ZNF385D: variants seen among roughly 807,000 people sequenced by gnomAD.
ZNF385D encodes the protein zinc finger protein 385D.
A neutral mutation model predicts 35.8 loss-of-function variants in ZNF385D; 15 were observed. That is an observed-to-expected ratio of 0.42 (90% confidence interval 0.28 to 0.64). The LOEUF (loss-of-function observed/expected upper bound fraction) is 0.64, where lower values mean the gene tolerates loss of function less well. ZNF385D is among the 30% of genes least tolerant of loss of function. The pLI is 0.23. For synonymous variants in ZNF385D, 212 were observed against 186.8 expected, an observed-to-expected ratio of 1.13 and a Z score of -1.10; for missense variants, 474 against 494.6, an observed-to-expected ratio of 0.96 and a Z score of 0.39.
At chr3:21,890,129 G>A (rs998870749) in intron 3 of ZNF385D, among the ~76,000 whole-genome samples, 2 of 152,030 alleles carry the variant, frequency 1.3e-5, no homozygotes, top group African/African-American at 4.8e-5. Flanking sequence ...ATCTTTTTGG[G>A]GAGATGCAAT....
intron 3 of ZNF385D, among the ~76,000 whole-genome samples, chr3:22,130,031 T>G (rs1703681829): frequency 6.6e-6 from 1 of 152,090 alleles, no homozygotes; most frequent in Non-Finnish European, 1.5e-5. Flanking sequence ...AGCCAGCAGG[T>G]TGTAAATTCT....
chr3:21,615,219 G>C (rs950634545), intron 2 of ZNF385D, among the ~76,000 whole-genome samples: 1 of 152,074 alleles, frequency 6.6e-6, no homozygotes, highest in Non-Finnish European at 1.5e-5. Flanking sequence ...TTGTTAAAAA[G>C]AGTCAGGGAC....
chr3:22,199,262 G>A (rs1461244904), intron 2 of ZNF385D, among the ~76,000 whole-genome samples: 1 of 152,030 alleles, frequency 6.6e-6, no homozygotes, highest in African/African-American at 2.4e-5. Context: ...GCCCAATGTA[G>A]ATTACATTTT....
At chr3:21,778,446 T>C (rs1207781100) in intron 3 of ZNF385D, among the ~76,000 whole-genome samples, 5 of 151,884 alleles carry the variant, frequency 3.3e-5, no homozygotes, top group Admixed American at 3.3e-4. Context: ...TCCCATTTCC[T>C]ATTCATCTCA....
chr3:22,247,469 T>C (rs1325973214), intron 2 of ZNF385D, among the ~76,000 whole-genome samples: 1 of 152,008 alleles, frequency 6.6e-6, no homozygotes, highest in Non-Finnish European at 1.5e-5. Context: ...TATGAGATCT[T>C]AGAAATTCAT....
intron 3 of ZNF385D, among the ~76,000 whole-genome samples, chr3:21,911,663 TAC>T (rs1559746816): frequency 1.3e-5 from 2 of 150,584 alleles, no homozygotes; most frequent in African/African-American, 2.4e-5. Flanking sequence ...GCAGAAGGCA[TAC>T]ATTTTTTTAT....
chr3:22,130,774 C>A (rs1376433851), intron 3 of ZNF385D, among the ~76,000 whole-genome samples: 1 of 152,108 alleles, frequency 6.6e-6, no homozygotes, highest in East Asian at 1.9e-4. Context: ...AACTGGGTAC[C>A]ATGATTGCTC....
At chr3:21,486,876 C>CT (rs1026063899) in intron 4 of ZNF385D, among the ~76,000 whole-genome samples, 4 of 151,860 alleles carry the variant, frequency 2.6e-5, no homozygotes, top group South Asian at 2.1e-4. Flanking sequence ...TCATATCATA[C>CT]TTTTTTTTAA....
chr3:22,037,806 T>C (rs1340260431), intron 3 of ZNF385D, among the ~76,000 whole-genome samples: 1 of 152,194 alleles, frequency 6.6e-6, no homozygotes, highest in Admixed American at 6.5e-5. Context: ...TGAATGGTAT[T>C]GCCTAGGTTT....
At chr3:21,742,245 C>T (rs534262264) in intron 1 of ZNF385D, among the ~76,000 whole-genome samples, 3 of 152,250 alleles carry the variant, frequency 2.0e-5, no homozygotes, top group East Asian at 1.9e-4. Flanking sequence ...TGTCCAAAGC[C>T]GTGCTACCAG....
At chr3:21,880,616 C>T (rs562258338) in intron 3 of ZNF385D, among the ~76,000 whole-genome samples, 1 of 152,098 alleles carries the variant, frequency 6.6e-6, no homozygotes, top group South Asian at 2.1e-4. Flanking sequence ...AATTTAATTA[C>T]TAACCCTACA....
At chr3:22,166,261 G>C (rs1706321949) in intron 3 of ZNF385D, among the ~76,000 whole-genome samples, 2 of 152,040 alleles carry the variant, frequency 1.3e-5, no homozygotes, top group Non-Finnish European at 1.5e-5. Flanking sequence ...ACGTCTTGGG[G>C]AAAAAATCTG....
chr3:22,269,704 T>A (rs1701075625), intron 2 of ZNF385D, among the ~76,000 whole-genome samples: 1 of 151,872 alleles, frequency 6.6e-6, no homozygotes, highest in Non-Finnish European at 1.5e-5. Flanking sequence ...ATATAATTGA[T>A]CATTCTCTTT....
chr3:21,811,937 A>G (rs1194091065), intron 3 of ZNF385D, among the ~76,000 whole-genome samples: 1 of 152,218 alleles, frequency 6.6e-6, no homozygotes, highest in African/African-American at 2.4e-5. Flanking sequence ...AAATAGAGAC[A>G]ACAGACATTT....
At chr3:22,123,268 A>G (rs1179228398) in intron 3 of ZNF385D, among the ~76,000 whole-genome samples, 1 of 152,042 alleles carries the variant, frequency 6.6e-6, no homozygotes, top group African/African-American at 2.4e-5. Context: ...TTAAAGTGAG[A>G]AGTTCAAGAG....
chr3:22,347,306 T>C (rs1185649591), intron 2 of ZNF385D, among the ~76,000 whole-genome samples: 1 of 152,200 alleles, frequency 6.6e-6, no homozygotes, highest in African/African-American at 2.4e-5. Context: ...GTTGGTAGCA[T>C]TAGAACCCAG....
intron 3 of ZNF385D, among the ~76,000 whole-genome samples, chr3:21,978,844 T>C (rs141591414): frequency 1.4e-3 from 214 of 152,298 alleles, no homozygotes; most frequent in African/African-American, 4.8e-3. Context: ...ATTAGTGACC[T>C]TGACTGTATA....
chr3:21,741,343 C>G (rs2069506654), intron 1 of ZNF385D, among the ~76,000 whole-genome samples: 1 of 152,180 alleles, frequency 6.6e-6, no homozygotes, highest in Non-Finnish European at 1.5e-5. Flanking sequence ...AATCAATCTG[C>G]CTTCCAATTT....
chr3:21,695,304 G>T (rs1482157822), intron 1 of ZNF385D, among the ~76,000 whole-genome samples: 2 of 152,050 alleles, frequency 1.3e-5, no homozygotes, highest in African/African-American at 4.8e-5. Flanking sequence ...TTAATCTTTG[G>T]ATGCCTCTGG....
Sources: gnomAD v4.1 joint callset for allele counts (sites outside exome capture counted in the v4.1 genomes callset) on GRCh38, gnomAD v4.1.1 for gene constraint, MANE v1.5 for transcripts, NCBI Gene and HGNC (gene_info 2026-07-23, HGNC 2026-07-21) for gene names.